Variants in KIAA1328 observed in about 807,000 individuals in gnomAD.
KIAA1328 encodes the protein protein hinderin.
A neutral mutation model predicts 68.1 loss-of-function variants in KIAA1328; 52 were observed. The ratio of observed to expected loss-of-function variants is 0.76; its 90% CI spans 0.61 to 0.96. The LOEUF (loss-of-function observed/expected upper bound fraction) is 0.96. Ranked by LOEUF, KIAA1328 falls within the 40% of genes least tolerant of loss-of-function variation. The pLI is 0.00. For missense variants in KIAA1328, 641 were observed against 677.6 expected (o/e 0.95, Z 0.60); for synonymous variants, 232 against 239.4 (o/e 0.97, Z 0.28).
Position 36,855,948 on chromosome 18 carries a change from C to A in KIAA1328, c.332+11646C>A, listed in dbSNP as rs2047368983. ...TTTCATTTTTGAAGGATAGTTTTGCCAGATATTGGATTGTTAGTTAACAGG... is the reference window on the plus strand; with the variant it reads ...TTTCATTTTTGAAGGATAGTTTTGCAAGATATTGGATTGTTAGTTAACAGG... On this transcript the variant is annotated intron_variant, in intron 4 of 9. Coordinates refer to ENST00000280020, the MANE Select transcript of KIAA1328 (RefSeq NM_020776.3). Among the ~76,000 whole-genome samples the A allele has an allele frequency of 2.6e-5, 4 of 151,768 alleles. No homozygotes were observed. In the South Asian group the frequency reaches 8.3e-4, roughly 32 times the overall value.
intron 6 of KIAA1328, among the ~76,000 whole-genome samples, chr18:37,052,837 A>G (rs35822850): frequency 1.3e-5 from 2 of 152,314 alleles, no homozygotes; most frequent in Non-Finnish European, 1.5e-5. Context: ...CTGAAATGTA[A>G]CAGAGATGAC....
intron 5 of KIAA1328, among the ~76,000 whole-genome samples, chr18:36,920,014 TGTAG>T (rs1208797477): frequency 1.3e-5 from 2 of 152,214 alleles, no homozygotes; most frequent in Non-Finnish European, 2.9e-5. Flanking sequence ...TCACCCGTTC[TGTAG>T]GTTATTTATT....
chr18:37,039,662 C>T (rs371983280), intron 6 of KIAA1328, among the ~76,000 whole-genome samples: 4 of 152,130 alleles, frequency 2.6e-5, no homozygotes, highest in African/African-American at 9.7e-5. Flanking sequence ...CCGCCCGCCT[C>T]GGCCTCCCAG....
At chr18:36,969,461 C>T (rs2052080204) in intron 6 of KIAA1328, among the ~76,000 whole-genome samples, 1 of 152,100 alleles carries the variant, frequency 6.6e-6, no homozygotes, top group African/African-American at 2.4e-5. Context: ...GGAATATTAT[C>T]ACTGACCCCA....
intron 7 of KIAA1328, among the ~76,000 whole-genome samples, chr18:37,139,978 CTTAAGT>C (rs1488009726): frequency 6.6e-6 from 1 of 152,100 alleles, no homozygotes; most frequent in Non-Finnish European, 1.5e-5. Context: ...TAAAACCTAG[CTTAAGT>C]AATGCAGAGG....
chr18:36,847,044 A>G (rs1030115522), intron 4 of KIAA1328, among the ~76,000 whole-genome samples: 1 of 151,580 alleles, frequency 6.6e-6, no homozygotes, highest in African/African-American at 2.4e-5. Context: ...TGACCTCTGT[A>G]TCTGGCTTAT....
intron 7 of KIAA1328, among the ~76,000 whole-genome samples, chr18:37,110,257 T>C (rs550817390): frequency 1.1e-4 from 16 of 152,288 alleles, no homozygotes; most frequent in African/African-American, 3.9e-4. Flanking sequence ...TGTAAATGTA[T>C]TGCAGTGTTT....
chr18:37,169,829 A>G (rs1358064931), intron 8 of KIAA1328, among the ~76,000 whole-genome samples: 1 of 152,244 alleles, frequency 6.6e-6, no homozygotes, highest in Non-Finnish European at 1.5e-5. Context: ...ACACATATAT[A>G]CATTGTTGTG....
chr18:36,950,834 C>G (rs1009165067), intron 5 of KIAA1328, among the ~76,000 whole-genome samples: 1 of 152,238 alleles, frequency 6.6e-6, no homozygotes, highest in East Asian at 1.9e-4. Context: ...GATTCTTACC[C>G]GAGGATGATC....
chr18:37,142,569 G>T (rs796485661), intron 7 of KIAA1328, among the ~76,000 whole-genome samples: 1 of 151,822 alleles, frequency 6.6e-6, no homozygotes, highest in Admixed American at 6.6e-5. Flanking sequence ...TCACTGAATT[G>T]CCTGATACAT....
chr18:37,163,159 C>T (rs2059317930), intron 8 of KIAA1328, among the ~76,000 whole-genome samples: 2 of 152,180 alleles, frequency 1.3e-5, no homozygotes. Context: ...TTGCCTAGAA[C>T]CCCCCTTTCC....
At chr18:37,081,201 C>T (rs1422137099) in intron 7 of KIAA1328, among the ~76,000 whole-genome samples, 2 of 152,088 alleles carry the variant, frequency 1.3e-5, no homozygotes, top group African/African-American at 4.8e-5. Context: ...AGGCTGGTCT[C>T]AAACTCCTGA....
intron 6 of KIAA1328, among the ~76,000 whole-genome samples, chr18:37,064,084 T>A (rs989083608): frequency 2.6e-5 from 4 of 152,120 alleles, no homozygotes; most frequent in Non-Finnish European, 5.9e-5. Context: ...GAGATTCCCT[T>A]TAGATGTAAA....
intron 5 of KIAA1328, among the ~76,000 whole-genome samples, chr18:36,945,451 G>A (rs1357534873): frequency 1.3e-5 from 2 of 152,040 alleles, no homozygotes; most frequent in East Asian, 1.9e-4. Flanking sequence ...GTGATCAATA[G>A]CCTCAGTCAT....
At chr18:37,210,307 G>C (rs553602292) in intron 9 of KIAA1328, among the ~76,000 whole-genome samples, 8 of 152,300 alleles carry the variant, frequency 5.3e-5, no homozygotes, top group African/African-American at 1.4e-4. Context: ...TAGAAAGAGA[G>C]CTCTAGGAAG....
chr18:37,030,331 C>G (rs2054771933), intron 6 of KIAA1328, among the ~76,000 whole-genome samples: 1 of 151,994 alleles, frequency 6.6e-6, no homozygotes, highest in East Asian at 1.9e-4. Flanking sequence ...CCTCTAAGAA[C>G]TCCATTAGCT....
chr18:37,103,382 G>A (rs1031971067), intron 7 of KIAA1328, among the ~76,000 whole-genome samples: 3 of 152,092 alleles, frequency 2.0e-5, no homozygotes, highest in African/African-American at 7.2e-5. Context: ...TTTTGACTGG[G>A]TGCCAAGAGC....
At chr18:37,085,383 C>T (rs2057072585) in intron 7 of KIAA1328, among the ~76,000 whole-genome samples, 1 of 152,174 alleles carries the variant, frequency 6.6e-6, no homozygotes, top group South Asian at 2.1e-4. Flanking sequence ...TAATGTAAGT[C>T]TGTTCTTCCT....
At chr18:37,118,227 T>C (rs537898650) in intron 7 of KIAA1328, among the ~76,000 whole-genome samples, 3 of 152,134 alleles carry the variant, frequency 2.0e-5, no homozygotes, top group African/African-American at 7.2e-5. Context: ...ACTCCTGAGC[T>C]CAAGTGATCC....
Sources: gnomAD v4.1 joint callset for allele counts (sites outside exome capture counted in the v4.1 genomes callset) on GRCh38, gnomAD v4.1.1 for gene constraint, MANE v1.5 for transcripts, NCBI Gene and HGNC (gene_info 2026-07-23, HGNC 2026-07-21) for gene names.